The following CALN1 variants were observed in gnomAD, a reference collection of about 807,000 sequenced individuals.
CALN1 encodes the protein calneuron 1.
Under a neutral mutation model 30.6 loss-of-function variants are expected in CALN1, and 17 were observed. The ratio of observed to expected loss-of-function variants is 0.56; its 90% CI spans 0.38 to 0.83. The LOEUF is 0.83. Among genes scored for constraint, CALN1 ranks in the 40% least tolerant of loss-of-function variants. The pLI is 0.00. For missense variants in CALN1, 291 were observed against 354.9 expected (o/e 0.82, Z 1.45); for synonymous variants, 156 against 131.4 (o/e 1.19, Z -1.28).
chr7:71,963,027 A>T (rs1797327338), intron 5 of CALN1, among the ~76,000 whole-genome samples: 1 of 152,196 alleles, frequency 6.6e-6, no homozygotes, highest in South Asian at 2.1e-4. Context: ...AAACATAGGT[A>T]TCCAAGATTT....
intron 3 of CALN1, among the ~76,000 whole-genome samples, chr7:72,180,696 C>T (rs941238535): frequency 6.9e-6 from 1 of 145,462 alleles, no homozygotes; most frequent in Non-Finnish European, 1.5e-5. Flanking sequence ...CAATATCAAA[C>T]TCCCAGGCTC....
intron 4 of CALN1, among the ~76,000 whole-genome samples, chr7:72,052,593 C>G (rs888585170): frequency 2.0e-5 from 3 of 152,174 alleles, no homozygotes; most frequent in African/African-American, 7.2e-5. Context: ...AGGAGGCACA[C>G]TTGTTTCTGG....
At position 72,400,355 on chromosome 7, in the gene CALN1, C is replaced by T. The variant is rs564208634; in HGVS notation, c.119+2896G>A. ...ATTCCTCCATTTAATCACTGTCAAA[C>T]AGATAGCTATTTGACAGGAATCATC... On this transcript the variant is annotated intron_variant, in intron 2 of 6. Transcript: ENST00000395275. Among the ~76,000 whole-genome samples, 3 of 152,272 alleles carry T rather than the reference C, an allele frequency of 2.0e-5. No individual in the cohort carries two copies. In the East Asian group the frequency reaches 5.8e-4, roughly 29 times the overall value.
intron 3 of CALN1, among the ~76,000 whole-genome samples, chr7:72,209,318 CTCCT>C (rs1562740046): frequency 3.5e-4 from 17 of 49,240 alleles, no homozygotes; most frequent in Non-Finnish European, 3.9e-4. Context: ...CCCTCCTTCC[CTCCT>C]TCCCTCTTTC....
At chr7:72,115,792 A>G (rs1584974102) in intron 3 of CALN1, among the ~76,000 whole-genome samples, 1 of 151,774 alleles carries the variant, frequency 6.6e-6, no homozygotes, top group African/African-American at 2.4e-5. Context: ...GGCCATATAC[A>G]TTCTTTTTTA....
At chr7:72,087,359 C>T (rs2129539399) in intron 4 of CALN1, among the ~76,000 whole-genome samples, 1 of 152,240 alleles carries the variant, frequency 6.6e-6, no homozygotes, top group East Asian at 1.9e-4. Flanking sequence ...TGGTGAAACC[C>T]TGTCTCTACT....
At chr7:72,131,593 C>G (rs1809153631) in intron 3 of CALN1, among the ~76,000 whole-genome samples, 1 of 152,174 alleles carries the variant, frequency 6.6e-6, no homozygotes, top group African/African-American at 2.4e-5. Context: ...AGAAACCCAA[C>G]ACATGGGCAA....
chr7:72,021,857 C>T (rs1165020419), intron 5 of CALN1, among the ~76,000 whole-genome samples: 2 of 152,192 alleles, frequency 1.3e-5, no homozygotes, highest in Non-Finnish European at 2.9e-5. Flanking sequence ...TCACCTTCTA[C>T]TCAGCATGTC....
At chr7:72,406,583 A>C (rs1438353715) in intron 1 of CALN1, among the ~76,000 whole-genome samples, 1 of 151,210 alleles carries the variant, frequency 6.6e-6, no homozygotes, top group Non-Finnish European at 1.5e-5. Context: ...TCTCTGGGCT[A>C]ATTCCTAGAC....
At chr7:71,863,549 C>A (rs187410292) in intron 5 of CALN1, among the ~76,000 whole-genome samples, 1,694 of 104,176 alleles carry the variant, frequency 0.016, 21 homozygotes, top group South Asian at 0.025. Flanking sequence ...CAGAACTAAA[C>A]TCCATCTCAA....
intron 3 of CALN1, among the ~76,000 whole-genome samples, chr7:72,265,770 T>A (rs909009446): frequency 9.1e-4 from 136 of 150,042 alleles, no homozygotes; most frequent in Admixed American, 2.9e-3. Context: ...TCATGCAGGG[T>A]TCTTAGAAAT....
chr7:72,501,465 G>A, the CALN1 span, among the ~76,000 whole-genome samples: 1 of 138,448 alleles, frequency 7.2e-6, no homozygotes, highest in Admixed American at 7.3e-5. Context: ...AAAAGGAGGA[G>A]GAGGAGGAAG....
At chr7:71,921,491 C>CAATTATATAAT (rs1794942930) in intron 5 of CALN1, among the ~76,000 whole-genome samples, 1 of 151,998 alleles carries the variant, frequency 6.6e-6, no homozygotes, top group Non-Finnish European at 1.5e-5. Context: ...AAAGGATTCC[C>CAATTATATAAT]TGAAATATTG....
chr7:71,788,516 G>A (rs1486428412), intron 6 of CALN1, among the ~76,000 whole-genome samples: 3 of 138,402 alleles, frequency 2.2e-5, no homozygotes, highest in East Asian at 2.7e-4. Context: ...TTTAGAGAAA[G>A]TGTCTTGCTC....
Position 71,890,829 on chromosome 7 carries a change from G to A in CALN1, c.502-80337C>T, listed in dbSNP as rs892208056. Reference sequence around the variant, plus strand: ...GGTGCAGTTATGGCTCACTGCAGCCGGAAACTCCCCAGGTTCAGATGATCC... The same window carrying A: ...GGTGCAGTTATGGCTCACTGCAGCCAGAAACTCCCCAGGTTCAGATGATCC... On this transcript the variant is annotated intron_variant, in intron 5 of 6. Transcript: ENST00000395275. Among the ~76,000 whole-genome samples, 8 of 146,800 alleles carry A rather than the reference G, an allele frequency of 5.4e-5. No homozygotes were observed. The East Asian group carries it at 1.0e-3, about 19-fold the overall frequency.
At chr7:71,807,123 G>C (rs982098546) in intron 6 of CALN1, among the ~76,000 whole-genome samples, 5 of 152,190 alleles carry the variant, frequency 3.3e-5, no homozygotes, top group Non-Finnish European at 5.9e-5. Context: ...TCAAGGCTGG[G>C]AGGAGGAGAG....
rs185915428 is a variant in CALN1, at chr7:72,380,458, A to C, written c.119+22793T>G. On this transcript the variant is annotated intron_variant, in intron 2 of 6. Coordinates refer to ENST00000395275, the MANE Select transcript of CALN1 (RefSeq NM_031468.4). Reference sequence around the variant, plus strand: ...GACAACATAGCAAGACCCCGTCTCTACGAAAAATATAAAAATTAGCTGAGC... The same window carrying C: ...GACAACATAGCAAGACCCCGTCTCTCCGAAAAATATAAAAATTAGCTGAGC... 1.9e-3 allele frequency among the ~76,000 whole-genome samples: 290 copies of C among 152,284 alleles called. 1 individual carries two copies. Among genetic ancestry groups the C allele is most frequent in the Non-Finnish European group, 3.3e-3 (226 of 68,016 alleles).
At chr7:72,360,417 T>C (rs1671400062) in intron 2 of CALN1, among the ~76,000 whole-genome samples, 1 of 151,898 alleles carries the variant, frequency 6.6e-6, no homozygotes, top group Non-Finnish European at 1.5e-5. Context: ...ATGTCTCTAG[T>C]TTTGAAATTT....
intron 4 of CALN1, among the ~76,000 whole-genome samples, chr7:72,054,676 T>G (rs935666230): frequency 1.3e-5 from 2 of 151,642 alleles, no homozygotes; most frequent in African/African-American, 4.9e-5. Context: ...AACCAAATAC[T>G]GCATGTTCTT....
Sources: gnomAD v4.1 joint callset for allele counts (sites outside exome capture counted in the v4.1 genomes callset) on GRCh38, gnomAD v4.1.1 for gene constraint, MANE v1.5 for transcripts, NCBI Gene and HGNC (gene_info 2026-07-23, HGNC 2026-07-21) for gene names.